Variants in TNS1 observed in about 807,000 individuals in gnomAD.
TNS1 encodes the protein tensin-1.
TNS1 carries 62 observed loss-of-function variants against 168.6 expected under a neutral mutation model. The observed-to-expected ratio is 0.37, with a 90% CI of 0.30 to 0.45. The LOEUF is 0.45. TNS1 is among the 20% of genes least tolerant of loss of function. The pLI, the probability that TNS1 is intolerant of heterozygous loss-of-function variation, is 1.00. For missense variants in TNS1, 2,240 were observed against 2,339.4 expected (o/e 0.96, Z 0.88); for synonymous variants, 934 against 933.2 (o/e 1.00, Z -0.02).
At chr2:217,829,865 C>T (rs750261040) in intron 22 of TNS1, 1 of 1,614,134 alleles carries the variant, frequency 6.2e-7, no homozygotes, top group Non-Finnish European at 8.5e-7. Context: ...CTGACCACCA[C>T]CTTCCCCTCA....
At chr2:217,998,007 G>A (rs1958501300) in intron 1 of TNS1, among the ~76,000 whole-genome samples, 1 of 152,206 alleles carries the variant, frequency 6.6e-6, no homozygotes, top group Admixed American at 6.5e-5. Flanking sequence ...AAGAGAACGT[G>A]GGGCTACACT....
chr2:217,912,819 A>AGCG (rs1954579871), intron 4 of TNS1, among the ~76,000 whole-genome samples: 2 of 152,170 alleles, frequency 1.3e-5, no homozygotes, highest in African/African-American at 4.8e-5. Flanking sequence ...AAAACAAGGC[A>AGCG]GCGGCAGCGG....
chr2:217,978,676 C>T, intron 3 of TNS1, 89 bp downstream of exon 3: 1 of 668,846 alleles, frequency 1.5e-6, no homozygotes, highest in East Asian at 2.7e-5. Flanking sequence ...GGCACCGCCC[C>T]CGCCCCGCCG....
Position 217,930,551 on chromosome 2 carries a change from T to C in TNS1, c.187-10315A>G, listed in dbSNP as rs113582150. On this transcript the variant is annotated intron_variant, in intron 3 of 32. Coordinates refer to ENST00000682258, the MANE Select transcript of TNS1 (RefSeq NM_001387777.1). Reference sequence around the variant, plus strand: ...TGTCCAGGACCCTGGAGTGGCCTCATGCCCCCAGAGCCAGTGAGAAGCCAT... The same window carrying C: ...TGTCCAGGACCCTGGAGTGGCCTCACGCCCCCAGAGCCAGTGAGAAGCCAT... Among the ~76,000 whole-genome samples the C allele has an allele frequency of 4.0e-3, 614 of 152,286 alleles. 6 individuals are homozygous for C. The highest frequency in any genetic ancestry group is 0.014 in the African/African-American group (571 of 41,582).
intron 16 of TNS1, 51 bp from the exon 17 acceptor site, chr2:217,882,462 T>C: frequency 7.3e-7 from 1 of 1,364,430 alleles, no homozygotes; most frequent in Non-Finnish European, 1.0e-6. Flanking sequence ...CCAAAAAGGA[T>C]TCCATAAAAA....
intron 16 of TNS1, 28 bp downstream of exon 16, chr2:217,885,007 C>A: frequency 6.2e-7 from 1 of 1,613,252 alleles, no homozygotes; most frequent in Non-Finnish European, 8.5e-7. Flanking sequence ...CAGGGGTGCC[C>A]ACCCCCAGCT....
chr2:217,815,529 G>T (rs1941747541), intron 24 of TNS1, among the ~76,000 whole-genome samples: 1 of 152,174 alleles, frequency 6.6e-6, no homozygotes, highest in Non-Finnish European at 1.5e-5. Context: ...ACAGTGGAAG[G>T]GACCTTCGGC....
intron 3 of TNS1, among the ~76,000 whole-genome samples, chr2:217,959,539 A>G (rs1311255391): frequency 6.6e-6 from 1 of 152,066 alleles, no homozygotes; most frequent in Non-Finnish European, 1.5e-5. Flanking sequence ...TTATCATGGA[A>G]CCTGGTGCCT....
chr2:217,929,914 C>T (rs189156847), intron 3 of TNS1, among the ~76,000 whole-genome samples: 1 of 152,222 alleles, frequency 6.6e-6, no homozygotes, highest in African/African-American at 2.4e-5. Context: ...GTCCCCTCCA[C>T]CCCATTCTCC....
chr2:217,813,926 A>G lies in TNS1; in HGVS notation c.4730-110T>C. The G allele has an allele frequency of 7.5e-7, 1 of 1,328,720 alleles. No homozygotes were observed. The highest frequency in any genetic ancestry group is 9.8e-7 in the Non-Finnish European group (1 of 1,020,396). 82.3% of individuals were successfully genotyped at this position (1,328,720 alleles called of 1,614,324 possible). A position where few individuals can be genotyped will look rare whatever the true frequency, so the allele number is the denominator to read the frequency against. ...CTTCGTTCTTTCTTAGGTGAGACAAATTTTCTTTAAAGTTAAAATTTAACT... is the reference window on the plus strand; with the variant it reads ...CTTCGTTCTTTCTTAGGTGAGACAAGTTTTCTTTAAAGTTAAAATTTAACT... On this transcript the variant is annotated intron_variant, in intron 25 of 32. Coordinates refer to ENST00000682258, the MANE Select transcript of TNS1 (RefSeq NM_001387777.1). This position sits in a 1 kb window ranked among gnomAD's most constrained non-coding sequence, Gnocchi z 4.0.
Position 217,812,459 on chromosome 2 carries a change from G to A in TNS1, c.4955-14C>T. 1 of 1,613,280 alleles carries A rather than the reference G, an allele frequency of 6.2e-7. No homozygotes were observed. The highest frequency in any genetic ancestry group is 8.5e-7 in the Non-Finnish European group (1 of 1,179,322). ...CAGACAGCGATCCTGTAGGGAGGCA[G>A]ACGGCATGTCATGGGCAGTGATACT... On this transcript the variant is annotated splice_polypyrimidine_tract_variant and intron_variant, in intron 27 of 32. Coordinates refer to ENST00000682258, the MANE Select transcript of TNS1 (RefSeq NM_001387777.1).
Position 217,813,743 on chromosome 2 carries a change from G to A in TNS1, c.4803C>T (p.Tyr1601=), listed in dbSNP as rs138140495. 56 of 1,613,852 alleles carry A rather than the reference G, an allele frequency of 3.5e-5. No individual in the cohort carries two copies. Among genetic ancestry groups the A allele is most frequent in the South Asian group, 2.1e-4 (19 of 91,066 alleles). ...GCGAAGACACCTTCATGGCCAGCCC[G>A]TACGCGCCTCGGAAGGAGTGACTGT... ...IRDSHSFRGA[Y]GLAMKVSSPP... Residue 1601 remains tyrosine, a synonymous_variant, in exon 26 of 33, where the codon TAC becomes TAT. Coordinates refer to ENST00000682258, the MANE Select transcript of TNS1 (RefSeq NM_001387777.1). The surrounding 1 kb of genome is among the most constrained non-coding windows in gnomAD (Gnocchi z 4.0).
rs186464628 is a variant in TNS1 at position 217,948,283 on chromosome 2, C to T, written c.187-28047G>A. ...TAGTCTCTGGGGCAATTACTGGAGC[C>T]GCCTCCTCTAGCACCCTGGGCCCTC... On this transcript the variant is annotated intron_variant, in intron 3 of 32. Coordinates refer to ENST00000682258, the MANE Select transcript of TNS1 (RefSeq NM_001387777.1). The surrounding 1 kb of genome is among the most constrained non-coding windows in gnomAD (Gnocchi z 4.1). 6.6e-6 allele frequency among the ~76,000 whole-genome samples: 1 copy of T among 152,306 alleles called. No homozygotes were observed. The highest frequency in any genetic ancestry group is 1.5e-5 in the Non-Finnish European group (1 of 68,016).
rs1958903986 is a variant in TNS1, at chr2:218,032,125, G to C, written c.156+1695C>G. On this transcript the variant is annotated intron_variant, in intron 1 of 1. Coordinates refer to the TNS1 transcript ENST00000649572. The surrounding 1 kb of genome is among the most constrained non-coding windows in gnomAD (Gnocchi z 4.0). ...GGACCATAGGAGGGCTCAGGGTGTAGGGCAGTTGTGGGACCTAGAGAGGCC... is the reference window on the plus strand; with the variant it reads ...GGACCATAGGAGGGCTCAGGGTGTACGGCAGTTGTGGGACCTAGAGAGGCC... 6.6e-6 allele frequency among the ~76,000 whole-genome samples: 1 copy of C among 152,190 alleles called. No homozygotes were observed. The highest frequency in any genetic ancestry group is 2.4e-5 in the African/African-American group (1 of 41,426).
chr2:217,942,840 C>G (rs576767624), intron 3 of TNS1, among the ~76,000 whole-genome samples: 70 of 152,276 alleles, frequency 4.6e-4, no homozygotes, highest in African/African-American at 1.7e-3. Context: ...CAACCCCATC[C>G]CCTCCCCTGC....
At chr2:217,869,987 G>A (rs1489714511) in intron 18 of TNS1, among the ~76,000 whole-genome samples, 1 of 150,750 alleles carries the variant, frequency 6.6e-6, no homozygotes, top group Admixed American at 6.6e-5. Context: ...CCACCCCACC[G>A]CAGTGACCAG....
chr2:218,008,878 T>C (rs1958681923), intron 1 of TNS1, among the ~76,000 whole-genome samples: 1 of 151,708 alleles, frequency 6.6e-6, no homozygotes, highest in South Asian at 2.1e-4. Flanking sequence ...ACAATAACAA[T>C]GATAATATCC....
At chr2:217,979,200 G>C (rs1158890196) in intron 2 of TNS1, among the ~76,000 whole-genome samples, 1 of 152,134 alleles carries the variant, frequency 6.6e-6, no homozygotes, top group East Asian at 1.9e-4. Context: ...CAGGCAGGCA[G>C]ACGACATCGC....
In TNS1 at chr2:217,848,261, G is replaced by A; in HGVS notation, c.2256C>T (p.Pro752=). Residue 752 remains proline, a synonymous_variant, in exon 19 of 33, where the codon CCC becomes CCT. Coordinates refer to ENST00000682258, the MANE Select transcript of TNS1 (RefSeq NM_001387777.1). The part of the protein sequence containing the change: ...FRSQSFSEAE[P]QLPPAPVRGG... ...CTCGGACCGGAGCTGGGGGCAGCTG[G>A]GGTTCAGCTTCCGAAAAGGATTGAG... The A allele has an allele frequency of 6.4e-7, 1 of 1,552,542 alleles. No homozygotes were observed. The highest frequency in any genetic ancestry group is 8.7e-7 in the Non-Finnish European group (1 of 1,149,090).
Sources: gnomAD v4.1 joint callset for allele counts (sites outside exome capture counted in the v4.1 genomes callset) on GRCh38, gnomAD v4.1.1 for gene constraint, Gnocchi (gnomAD v3.1) non-coding constraint, MANE v1.5 for transcripts, NCBI Gene and HGNC (gene_info 2026-07-23, HGNC 2026-07-21) for gene names.